Variants in EYA4 observed in about 807,000 individuals in gnomAD.
EYA4 encodes protein phosphatase EYA4.
In EYA4, 31 loss-of-function variants were observed where a neutral mutation model predicts 87.9. The ratio of observed to expected loss-of-function variants is 0.35; its 90% CI spans 0.27 to 0.48. The LOEUF (loss-of-function observed/expected upper bound fraction) is 0.48. Among genes scored for constraint, EYA4 ranks in the 20% least tolerant of loss-of-function variants. The probability of loss-of-function intolerance (pLI) is 0.99; values close to 1 mark genes in which losing one functional copy is unlikely to be tolerated. For missense variants in EYA4, 678 were observed against 761.4 expected (o/e 0.89, Z 1.29); for synonymous variants, 263 against 270.6 (o/e 0.97, Z 0.28).
At chr6:133,503,335 C>T (rs1295672792) in intron 13 of EYA4, among the ~76,000 whole-genome samples, 2 of 152,102 alleles carry the variant, frequency 1.3e-5, no homozygotes, top group Non-Finnish European at 2.9e-5. Context: ...GAAGAATGAA[C>T]ATAAGAAATT....
chr6:133,391,285 A>G (rs1308208610), intron 3 of EYA4, among the ~76,000 whole-genome samples: 2 of 144,966 alleles, frequency 1.4e-5, no homozygotes. Flanking sequence ...GCTGGAGTGC[A>G]ATGGCATGAT....
At chr6:133,414,603 G>T (rs1305529140) in intron 3 of EYA4, among the ~76,000 whole-genome samples, 2 of 152,070 alleles carry the variant, frequency 1.3e-5, no homozygotes, top group African/African-American at 4.8e-5. Context: ...CAATTCACTG[G>T]ACTTCACCTG....
intron 2 of EYA4, among the ~76,000 whole-genome samples, chr6:133,334,057 A>G (rs1782182175): frequency 6.6e-6 from 1 of 152,224 alleles, no homozygotes; most frequent in African/African-American, 2.4e-5. Context: ...TTAAAAAGAC[A>G]GAGCAGAACA....
intron 14 of EYA4, among the ~76,000 whole-genome samples, chr6:133,512,270 G>T (rs934101789): frequency 1.1e-4 from 16 of 152,100 alleles, no homozygotes; most frequent in Non-Finnish European, 2.1e-4. Flanking sequence ...ACCATAATCT[G>T]AAGGCAAGCC....
intron 2 of EYA4, among the ~76,000 whole-genome samples, chr6:133,360,960 C>A (rs367723982): frequency 6.6e-6 from 1 of 152,174 alleles, no homozygotes; most frequent in Non-Finnish European, 1.5e-5. Flanking sequence ...GACACAGAAG[C>A]GCTTTAGACT....
intron 1 of EYA4, among the ~76,000 whole-genome samples, chr6:133,262,652 T>G (rs1775888760): frequency 6.6e-6 from 1 of 152,220 alleles, no homozygotes; most frequent in Admixed American, 6.5e-5. Flanking sequence ...TGCCATCAAA[T>G]GAACTTATGA....
chr6:133,277,114 T>C (rs536033651), intron 2 of EYA4, among the ~76,000 whole-genome samples: 4 of 152,348 alleles, frequency 2.6e-5, no homozygotes, highest in African/African-American at 9.6e-5. Flanking sequence ...TTTACTCATA[T>C]CATTGCTATT....
chr6:133,404,447 A>G (rs983601754), intron 3 of EYA4, among the ~76,000 whole-genome samples: 2 of 152,114 alleles, frequency 1.3e-5, no homozygotes, highest in African/African-American at 4.8e-5. Context: ...GTTGACAAGT[A>G]GCTACTCCTA....
rs553329085 is a variant in EYA4, at chr6:133,460,442, A to C, written c.371-672A>C. 4.9e-4 allele frequency among the ~76,000 whole-genome samples: 74 copies of C among 152,266 alleles called. 1 individual carries two copies. The highest frequency in any genetic ancestry group is 3.4e-3 in the Middle Eastern group (1 of 294). ...GAACTGTTAATAGGACCTCACTTTC[A>C]CCTTTAAGTTCTTCTCAGAAAAGTA... is the stretch of plus-strand genomic sequence containing the variant. On this transcript the variant is annotated intron_variant, in intron 6 of 19. Transcript: ENST00000355286.
chr6:133,498,384 A>C (rs1301112603), intron 13 of EYA4, among the ~76,000 whole-genome samples: 2 of 152,218 alleles, frequency 1.3e-5, no homozygotes, highest in East Asian at 3.9e-4. Context: ...TAATAAAAGT[A>C]GTAATTTGAT....
At chr6:133,430,734 A>T (rs983595322) in intron 3 of EYA4, among the ~76,000 whole-genome samples, 1 of 152,218 alleles carries the variant, frequency 6.6e-6, no homozygotes, top group Non-Finnish European at 1.5e-5. Context: ...AAGTTACTGG[A>T]AAATTTATTC....
Position 133,477,241 on chromosome 6 carries a change from G to C in EYA4, c.971-4222G>C, listed in dbSNP as rs1426705171. Among the ~76,000 whole-genome samples, 6 of 152,158 alleles carry C rather than the reference G, an allele frequency of 3.9e-5. No homozygotes were observed. The East Asian group carries it at 1.2e-3, about 29-fold the overall frequency. The stretch of plus-strand genomic sequence containing the variant: ...GCTAATTTACACCCCCACCAGCAGT[G>C]TGCAAGATTTCTGTCCGCCACAGTG... On this transcript the variant is annotated intron_variant, in intron 11 of 19. Coordinates refer to ENST00000355286, the MANE Select transcript of EYA4 (RefSeq NM_004100.5).
intron 3 of EYA4, among the ~76,000 whole-genome samples, chr6:133,441,554 C>T (rs1389149395): frequency 2.0e-5 from 3 of 152,198 alleles, no homozygotes; most frequent in Non-Finnish European, 4.4e-5. Context: ...AGGCACATAG[C>T]CCCTGCTGCC....
chr6:133,381,105 T>G, intron 2 of EYA4, among the ~76,000 whole-genome samples: 1 of 128,768 alleles, frequency 7.8e-6, no homozygotes, highest in African/African-American at 2.8e-5. Flanking sequence ...CCCCTCCATC[T>G]CATGGTACTG....
At chr6:133,363,280 C>G (rs763929155) in intron 2 of EYA4, 1 of 152,224 alleles carries the variant, frequency 6.6e-6, no homozygotes, top group East Asian at 1.9e-4. Context: ...CTTTGGGGCC[C>G]CACAACCCTA....
chr6:133,446,873 A>G, intron 4 of EYA4, 119 bp downstream of exon 4: 1 of 1,003,180 alleles, frequency 1.0e-6, no homozygotes, highest in South Asian at 1.4e-5. Flanking sequence ...TCAGCATTAT[A>G]TCCAAGGTAT....
chr6:133,531,443 T>G lies in EYA4; in HGVS notation c.*2638T>G. ...ACCCCTTGGCAGTTCCCACCTCCTA[T>G]TGACATATGGAATATTGTGCCTTAT... On this transcript the variant is annotated 3_prime_UTR_variant, in exon 20 of 20. Coordinates refer to ENST00000355286, the MANE Select transcript of EYA4 (RefSeq NM_004100.5). The G allele has an allele frequency of 1.9e-6, 1 of 538,478 alleles. No individual in the cohort carries two copies. The highest frequency in any genetic ancestry group is 3.3e-6 in the Non-Finnish European group (1 of 303,402). The allele number at this position is 538,478 out of a possible 1,614,324, so 33.4% of individuals were successfully genotyped here.
At chr6:133,480,924 C>A (rs958962400) in intron 11 of EYA4, among the ~76,000 whole-genome samples, 11 of 140,180 alleles carry the variant, frequency 7.8e-5, no homozygotes, top group African/African-American at 2.9e-4. Context: ...TTCTCAGTGA[C>A]CCCAAGAAAT....
At chr6:133,352,995 A>G (rs1243506935) in intron 2 of EYA4, among the ~76,000 whole-genome samples, 1 of 152,164 alleles carries the variant, frequency 6.6e-6, no homozygotes, top group Non-Finnish European at 1.5e-5. Context: ...TTCAAATGAT[A>G]GTAAGTTCAT....
Sources: allele counts gnomAD v4.1 joint callset (sites outside exome capture counted in the v4.1 genomes callset), GRCh38; gene constraint gnomAD v4.1.1; transcripts MANE v1.5; gene names NCBI Gene and HGNC (gene_info 2026-07-23, HGNC 2026-07-21).